DAB1: variants seen among roughly 807,000 people sequenced by gnomAD.
DAB1 encodes disabled homolog 1.
DAB1 carries 15 observed loss-of-function variants against 64.6 expected under a neutral mutation model. The ratio of observed to expected loss-of-function variants is 0.23; its 90% CI spans 0.16 to 0.36. The LOEUF is 0.36. Ranked by LOEUF, DAB1 falls within the 10% of genes least tolerant of loss-of-function variation. The pLI, the probability that DAB1 is intolerant of heterozygous loss-of-function variation, is 1.00. For synonymous variants in DAB1, 235 were observed against 251.9 expected (o/e 0.93, Z 0.64); for missense variants, 596 against 706.7 (o/e 0.84, Z 1.78).
intron 7 of DAB1, among the ~76,000 whole-genome samples, chr1:57,532,814 G>C (rs1243810918): frequency 6.6e-6 from 1 of 152,112 alleles, no homozygotes; most frequent in Non-Finnish European, 1.5e-5. Context: ...AGGTAAAAGT[G>C]CCTAGCAAGA....
At chr1:57,922,921 T>C (rs952957974) in intron 5 of DAB1, among the ~76,000 whole-genome samples, 14 of 151,962 alleles carry the variant, frequency 9.2e-5, no homozygotes, top group African/African-American at 3.1e-4. Flanking sequence ...AATCTCTTTT[T>C]GACTACAGCT....
At chr1:57,121,329 C>G (rs1450109896) in intron 4 of DAB1, among the ~76,000 whole-genome samples, 1 of 151,994 alleles carries the variant, frequency 6.6e-6, no homozygotes, top group Non-Finnish European at 1.5e-5. Flanking sequence ...CACTCCCTCA[C>G]TCTCTCTATC....
chr1:57,134,431 A>G (rs369239703), intron 4 of DAB1, among the ~76,000 whole-genome samples: 1 of 149,520 alleles, frequency 6.7e-6, no homozygotes, highest in East Asian at 1.9e-4. Flanking sequence ...ATTAAAATAC[A>G]AAAAAATTTA....
At position 57,755,403 on chromosome 1, in the gene DAB1, G is replaced by A. The variant is rs185504931; in HGVS notation, n.552-105738C>T. ...TATGTGTGTATATGTATATTTTCCCGTAAAGGTCCGACATGAGAAATTCAT... is the reference window on the plus strand; with the variant it reads ...TATGTGTGTATATGTATATTTTCCCATAAAGGTCCGACATGAGAAATTCAT... On this transcript the variant is annotated intron_variant and non_coding_transcript_variant, in intron 6 of 20. Coordinates refer to the DAB1 transcript ENST00000485760. Among the ~76,000 whole-genome samples the A allele has an allele frequency of 6.6e-5, 10 of 152,128 alleles. No individual in the cohort carries two copies. In the East Asian group the frequency reaches 1.2e-3, roughly 18 times the overall value.
chr1:57,394,894 T>C (rs1360084342), intron 1 of DAB1, among the ~76,000 whole-genome samples: 2 of 152,322 alleles, frequency 1.3e-5, no homozygotes, highest in South Asian at 2.1e-4. Context: ...TTTTAGATTA[T>C]AGATTATCAT....
rs550928668 is a variant in DAB1 at position 58,469,818 on chromosome 1, AATAG to A, written n.257+36238_257+36241del. Among the ~76,000 whole-genome samples, 6 of 152,186 alleles carry A rather than the reference AATAG, an allele frequency of 3.9e-5. No individual in the cohort carries two copies. In the South Asian group the frequency reaches 1.0e-3, roughly 26 times the overall value. ...TGGGTAAGAGCTCAATTTATTTCAA[AATAG>A]ATGGATGGAGTTCCTTGGTGAGGTA... On this transcript the variant is annotated intron_variant and non_coding_transcript_variant, in intron 3 of 20. Coordinates refer to the DAB1 transcript ENST00000485760.
intron 6 of DAB1, among the ~76,000 whole-genome samples, chr1:57,785,355 T>C (rs1650292576): frequency 1.3e-5 from 2 of 152,156 alleles, no homozygotes; most frequent in Non-Finnish European, 2.9e-5. Context: ...TTCAAATATT[T>C]AAGAAATACG....
At chr1:57,615,247 T>C (rs1039995471) in intron 7 of DAB1, among the ~76,000 whole-genome samples, 36 of 152,354 alleles carry the variant, frequency 2.4e-4, no homozygotes, top group African/African-American at 8.4e-4. Flanking sequence ...TTACAGCCCC[T>C]TTGCTGTTTC....
intron 5 of DAB1, among the ~76,000 whole-genome samples, chr1:57,924,948 G>A (rs1355826907): frequency 6.6e-6 from 1 of 152,084 alleles, no homozygotes; most frequent in Non-Finnish European, 1.5e-5. Context: ...GTTATTAATA[G>A]TATTTGTATT....
intron 2 of DAB1, among the ~76,000 whole-genome samples, chr1:57,211,203 T>G (rs571381096): frequency 2.0e-4 from 30 of 152,266 alleles, no homozygotes; most frequent in African/African-American, 6.7e-4. Flanking sequence ...GAAAAGTCAA[T>G]GAAAACACTC....
chr1:57,918,397 A>G (rs1006582807), intron 5 of DAB1, among the ~76,000 whole-genome samples: 3 of 152,156 alleles, frequency 2.0e-5, no homozygotes, highest in African/African-American at 7.2e-5. Flanking sequence ...CCTGTGTCAT[A>G]ACATGGCAAA....
intron 9 of DAB1, among the ~76,000 whole-genome samples, chr1:57,030,103 A>C (rs1276596462): frequency 1.3e-5 from 2 of 152,158 alleles, no homozygotes; most frequent in Non-Finnish European, 2.9e-5. Context: ...AGGGGGAGTT[A>C]ATTCAATCAT....
intron 5 of DAB1, among the ~76,000 whole-genome samples, chr1:57,926,433 G>T (rs1024086080): frequency 6.6e-6 from 1 of 152,138 alleles, no homozygotes; most frequent in Non-Finnish European, 1.5e-5. Flanking sequence ...TAGGGGCCTG[G>T]AGCCAAAGTG....
intron 5 of DAB1, among the ~76,000 whole-genome samples, chr1:57,942,516 A>T (rs1047928108): frequency 6.6e-6 from 1 of 152,156 alleles, no homozygotes; most frequent in African/African-American, 2.4e-5. Context: ...CTCTTCTTGT[A>T]TCTATGAATC....
At chr1:57,247,943 C>T (rs1324129110) in intron 2 of DAB1, among the ~76,000 whole-genome samples, 1 of 152,168 alleles carries the variant, frequency 6.6e-6, no homozygotes, top group African/African-American at 2.4e-5. Context: ...CCAACTGGTT[C>T]ACCTACTCAG....
intron 3 of DAB1, among the ~76,000 whole-genome samples, chr1:58,396,028 A>C (rs529256927): frequency 2.4e-4 from 37 of 151,912 alleles, no homozygotes; most frequent in South Asian, 1.0e-3. Context: ...AGCCAGCCCC[A>C]CAACCTATGC....
upstream of DAB1, chr1:57,424,070 G>C (rs1482449718): frequency 6.6e-6 from 1 of 152,076 alleles, no homozygotes; most frequent in Non-Finnish European, 1.5e-5. Context: ...CATCCTCCCC[G>C]GGAGCCACCG....
chr1:57,080,775 C>CAT (rs9326041), intron 4 of DAB1, among the ~76,000 whole-genome samples: 210 of 151,714 alleles, frequency 1.4e-3, no homozygotes, highest in Middle Eastern at 3.4e-3. Context: ...CACACACACA[C>CAT]CTTAAATAAG....
At chr1:57,798,857 A>C (rs1229243287) in intron 6 of DAB1, among the ~76,000 whole-genome samples, 2 of 152,212 alleles carry the variant, frequency 1.3e-5, no homozygotes, top group Non-Finnish European at 2.9e-5. Context: ...AGAAAGGGGA[A>C]ATTTAACTTT....
Sources: gnomAD v4.1 joint callset for allele counts (sites outside exome capture counted in the v4.1 genomes callset) on GRCh38, gnomAD v4.1.1 for gene constraint, MANE v1.5 for transcripts, NCBI Gene and HGNC (gene_info 2026-07-23, HGNC 2026-07-21) for gene names.